MME: variants seen among roughly 807,000 people sequenced by gnomAD.
MME encodes membrane metalloendopeptidase.
MME carries 98 observed loss-of-function variants against 113.2 expected under a neutral mutation model. That is an observed-to-expected ratio of 0.87 (90% CI 0.74 to 1.02). MME has a LOEUF of 1.02. MME is among the 50% of genes least tolerant of loss of function. The probability of loss-of-function intolerance (pLI) is 0.00; values close to 1 mark genes in which losing one functional copy is unlikely to be tolerated. For missense variants in MME, 836 were observed against 896.0 expected (o/e 0.93, Z 0.86); for synonymous variants, 292 against 300.6 (o/e 0.97, Z 0.30).
Position 155,080,340 on chromosome 3 carries a change from C to T in MME, c.-137C>T, listed in dbSNP as rs1355850541. The T allele has an allele frequency of 1.3e-5, 2 of 152,554 alleles. No homozygotes were observed. Among genetic ancestry groups the T allele is most frequent in the African/African-American group, 4.8e-5 (2 of 41,548 alleles). The allele number at this position is 152,554 out of a possible 1,614,324, so 9.5% of individuals were successfully genotyped here. On this transcript the variant is annotated 5_prime_UTR_variant, in exon 1 of 23. Transcript: ENST00000360490. ...TTCCATAGTTCCCTGCGGCCTCTGC[C>T]TTGGGGAGTTATGTTTTGTTACCGA...
intron 9 of MME, among the ~76,000 whole-genome samples, chr3:155,139,000 G>A (rs887313938): frequency 6.6e-6 from 1 of 151,980 alleles, no homozygotes; most frequent in South Asian, 2.1e-4. Flanking sequence ...GCTTGCCCCT[G>A]CCATCTAAGC....
intron 1 of MME, among the ~76,000 whole-genome samples, chr3:155,043,874 A>G (rs1416284666): frequency 6.6e-6 from 1 of 151,950 alleles, no homozygotes; most frequent in Non-Finnish European, 1.5e-5. Flanking sequence ...TTACGAATTT[A>G]CTCTGTTAGT....
At chr3:155,171,513 G>A (rs1711968749) in intron 20 of MME, among the ~76,000 whole-genome samples, 1 of 152,084 alleles carries the variant, frequency 6.6e-6, no homozygotes, top group Non-Finnish European at 1.5e-5. Context: ...AGAATTAAGA[G>A]GATTTTCTGA....
intron 3 of MME, among the ~76,000 whole-genome samples, chr3:155,089,583 G>T (rs1716099963): frequency 6.6e-6 from 1 of 152,130 alleles, no homozygotes; most frequent in African/African-American, 2.4e-5. Flanking sequence ...CTTATGACTG[G>T]GTACCACTGG....
Position 155,116,651 on chromosome 3 carries a change from T to C in MME, c.440-13T>C, listed in dbSNP as rs1010163164. On this transcript the variant is annotated splice_polypyrimidine_tract_variant and intron_variant, in intron 5 of 22. Transcript: ENST00000360490. Reference sequence around the variant, plus strand: ...AGATTTCTAATTGAATTTATGTTTGTTGTTTCCAAAAGCTGCTATTGATAG... The same window carrying C: ...AGATTTCTAATTGAATTTATGTTTGCTGTTTCCAAAAGCTGCTATTGATAG... The C allele has an allele frequency of 1.8e-5, 29 of 1,606,302 alleles. No individual in the cohort carries two copies. The highest frequency in any genetic ancestry group is 2.4e-5 in the Non-Finnish European group (28 of 1,174,714).
chr3:155,116,328 G>T (rs892053752), intron 4 of MME, 151 bp from the exon 5 acceptor site: 2 of 654,392 alleles, frequency 3.1e-6, no homozygotes. Context: ...TTTGGAACTG[G>T]GGGGAGGAAA....
intron 1 of MME, among the ~76,000 whole-genome samples, chr3:155,025,001 G>C (rs576787484): frequency 6.6e-6 from 1 of 152,156 alleles, no homozygotes; most frequent in East Asian, 1.9e-4. Context: ...GGAGAAAATA[G>C]ACCCACTGAA....
intron 16 of MME, among the ~76,000 whole-genome samples, chr3:155,149,361 TA>T (rs991234833): frequency 6.6e-6 from 1 of 152,108 alleles, no homozygotes; most frequent in African/African-American, 2.4e-5. Context: ...CTTTTGACCA[TA>T]AAGTCTCAGC....
At chr3:155,035,722 G>A (rs1403883909) in intron 1 of MME, among the ~76,000 whole-genome samples, 1 of 152,170 alleles carries the variant, frequency 6.6e-6, no homozygotes, top group African/African-American at 2.4e-5. Context: ...GAGAACATTA[G>A]GGAAAGTGGA....
At chr3:155,057,770 A>C (rs1053890200) in intron 1 of MME, among the ~76,000 whole-genome samples, 3 of 150,958 alleles carry the variant, frequency 2.0e-5, no homozygotes, top group African/African-American at 7.3e-5. Context: ...GATCAGCGAC[A>C]TTTTTTAGGA....
intron 1 of MME, among the ~76,000 whole-genome samples, chr3:155,061,450 C>CAAA (rs768689390): frequency 3.0e-4 from 16 of 52,508 alleles, no homozygotes; most frequent in African/African-American, 5.4e-4. Context: ...GGCTCCATCT[C>CAAA]AAAAAAAAAA....
chr3:155,118,819 G>A lies in MME; in HGVS notation c.720+8G>A. On this transcript the variant is annotated splice_region_variant and intron_variant, in intron 8 of 22. Transcript: ENST00000360490. ...ACTGGAATCTATAAAGAGGTAAAAAGAAAAAAAATAATCAAAACCAAACTA... is the reference window on the plus strand; with the variant it reads ...ACTGGAATCTATAAAGAGGTAAAAAAAAAAAAAATAATCAAAACCAAACTA... 2 of 1,555,678 alleles carry A rather than the reference G, an allele frequency of 1.3e-6. No homozygotes were observed. Among genetic ancestry groups the A allele is most frequent in the Non-Finnish European group, 1.8e-6 (2 of 1,133,604 alleles).
At chr3:155,117,113 T>C (rs1718689871) in intron 7 of MME, 127 bp downstream of exon 7, 1 of 701,380 alleles carries the variant, frequency 1.4e-6, no homozygotes. Flanking sequence ...GGAGGTAGTA[T>C]ATCCATGCTC....
chr3:155,081,980 C>T (rs1715190546), intron 1 of MME: 1 of 152,218 alleles, frequency 6.6e-6, no homozygotes. Flanking sequence ...GATGCAGCTT[C>T]TGTCACTGTC....
rs533695799 is a variant in MME, at chr3:155,106,081, C to T, written c.197-8913C>T. On this transcript the variant is annotated intron_variant, in intron 3 of 22. Transcript: ENST00000360490. ...AATATAGTTATAAACTAATTACTCC[C>T]CAAACTAGAACAGCAAAAATAGGTC... is the stretch of plus-strand genomic sequence containing the variant. Among the ~76,000 whole-genome samples the T allele has an allele frequency of 9.9e-5, 15 of 152,220 alleles. No homozygotes were observed. In the South Asian group the frequency reaches 2.9e-3, roughly 29 times the overall value.
At chr3:155,026,880 C>T (rs1031996483) in intron 1 of MME, among the ~76,000 whole-genome samples, 1 of 152,126 alleles carries the variant, frequency 6.6e-6, no homozygotes, top group African/African-American at 2.4e-5. Context: ...TTCCTAACCT[C>T]TTTTTCCTTT....
intron 3 of MME, among the ~76,000 whole-genome samples, chr3:155,113,214 C>A (rs1718331396): frequency 1.3e-5 from 2 of 151,960 alleles, no homozygotes; most frequent in South Asian, 4.2e-4. Context: ...GCATAAACCA[C>A]CAAAAGAGGA....
At chr3:155,075,875 C>T (rs1438796285), upstream of MME, among the ~76,000 whole-genome samples, 1 of 152,110 alleles carries the variant, frequency 6.6e-6, no homozygotes, top group African/African-American at 2.4e-5. Flanking sequence ...GCTTACACAC[C>T]CCGTTGTCTG....
At chr3:155,142,803 T>C (rs1222018445) in intron 12 of MME, among the ~76,000 whole-genome samples, 1 of 152,094 alleles carries the variant, frequency 6.6e-6, no homozygotes, top group African/African-American at 2.4e-5. Flanking sequence ...AAACAATCAC[T>C]GTTTTGGTAC....
Sources: allele counts gnomAD v4.1 joint callset (sites outside exome capture counted in the v4.1 genomes callset), GRCh38; gene constraint gnomAD v4.1.1; transcripts MANE v1.5; gene names NCBI Gene and HGNC (gene_info 2026-07-23, HGNC 2026-07-21).